The following ANKS6 variants were observed in gnomAD, a reference collection of about 807,000 sequenced individuals.
ANKS6 encodes ankyrin repeat and sterile alpha motif domain containing 6, also known as ankyrin repeat and SAM domain-containing protein 6.
Under a neutral mutation model 77.9 loss-of-function variants are expected in ANKS6, and 47 were observed. The ratio of observed to expected loss-of-function variants is 0.60; its 90% CI spans 0.48 to 0.77. The LOEUF is 0.77. Among genes scored for constraint, ANKS6 ranks in the 30% least tolerant of loss-of-function variants. ANKS6 has a pLI of 0.00. For missense variants in ANKS6, 1,150 were observed against 1,159.1 expected (o/e 0.99, Z 0.11); for synonymous variants, 488 against 501.7 (o/e 0.97, Z 0.37).
chr9:98,751,967 T>G (rs1254442489), intron 12 of ANKS6, among the ~76,000 whole-genome samples: 1 of 152,150 alleles, frequency 6.6e-6, no homozygotes, highest in Admixed American at 6.6e-5. Context: ...GTGCCTGTAG[T>G]CCCAGCAACT....
At chr9:98,792,332 C>T (rs554724941) in intron 1 of ANKS6, among the ~76,000 whole-genome samples, 4 of 152,176 alleles carry the variant, frequency 2.6e-5, no homozygotes, top group South Asian at 2.1e-4. Flanking sequence ...TCCACGGGCT[C>T]GCCTCTGGCT....
At chr9:98,782,659 C>T in intron 4 of ANKS6, 86 bp from the exon 5 acceptor site, 1 of 1,062,246 alleles carries the variant, frequency 9.4e-7, no homozygotes, top group Admixed American at 1.8e-5. Flanking sequence ...AACTACAAAG[C>T]TCAGTCTCTG....
chr9:98,788,030 G>A (rs923446413), intron 2 of ANKS6, among the ~76,000 whole-genome samples: 1 of 152,222 alleles, frequency 6.6e-6, no homozygotes, highest in Non-Finnish European at 1.5e-5. Flanking sequence ...GTGAACTGAG[G>A]CAGCTGGTTC....
In ANKS6 at chr9:98,734,022, A is replaced by G; in HGVS notation, c.*2497T>C. 1 of 985,266 alleles carries G rather than the reference A, an allele frequency of 1.0e-6. No individual in the cohort carries two copies. Among genetic ancestry groups the G allele is most frequent in the Non-Finnish European group, 1.2e-6 (1 of 829,916 alleles). The allele number at this position is 985,266 out of a possible 1,614,324, so 61.0% of individuals were successfully genotyped here. Reference sequence around the variant, plus strand: ...CCAAAAATCAGAAAAACAAGCACCCAACTGACCCCTCCTCCCTGACGATCT... The same window carrying G: ...CCAAAAATCAGAAAAACAAGCACCCGACTGACCCCTCCTCCCTGACGATCT... On this transcript the variant is annotated 3_prime_UTR_variant, in exon 15 of 15. Transcript: ENST00000353234.
chr9:98,750,559 C>T (rs1348081232), intron 13 of ANKS6, among the ~76,000 whole-genome samples: 3 of 152,122 alleles, frequency 2.0e-5, no homozygotes, highest in African/African-American at 2.4e-5. Flanking sequence ...CTGGGTCACA[C>T]GGTAACTCTA....
At chr9:98,745,102 G>A (rs1260845880) in intron 14 of ANKS6, among the ~76,000 whole-genome samples, 3 of 152,180 alleles carry the variant, frequency 2.0e-5, no homozygotes, top group East Asian at 1.9e-4. Flanking sequence ...GTGGGAAGCC[G>A]ACAATAGTGA....
chr9:98,756,456 T>C lies in ANKS6; in HGVS notation c.2290A>G (p.Ser764Gly). ...ATGGTGCCACTGCTGGAGCCCCCAC[T>C]GCTCTTGGACTGCCGATGGGATGAC... ...SSSSHRQSKS[S>G]GGSSSGTITD... The change falls in exon 12 of 15, where the codon AGT (serine) becomes GGT (glycine). Residue 764 changes from serine to glycine, a missense_variant. Transcript: ENST00000353234. 6.2e-7 allele frequency: 1 copy of C among 1,613,520 alleles called. No individual in the cohort carries two copies. Among genetic ancestry groups the C allele is most frequent in the Non-Finnish European group, 8.5e-7 (1 of 1,179,678 alleles).
intron 2 of ANKS6, among the ~76,000 whole-genome samples, chr9:98,786,742 T>A (rs1317981607): frequency 6.6e-6 from 1 of 152,240 alleles, no homozygotes; most frequent in Non-Finnish European, 1.5e-5. Flanking sequence ...CCAACTTTGC[T>A]GTGGGGTGGG....
intron 11 of ANKS6, among the ~76,000 whole-genome samples, chr9:98,766,086 C>T (rs1833266367): frequency 6.6e-6 from 1 of 152,020 alleles, no homozygotes; most frequent in African/African-American, 2.4e-5. Flanking sequence ...TGGGGTGGAG[C>T]CCAGAAACCT....
rs1368821740 is a variant in ANKS6 at position 98,732,704 on chromosome 9, C to A, written c.*3815G>T. ...CACATGATCCCTGGGGGCTACTATC[C>A]CCCTGTAACCAAAAGGGAAACTGGG... On this transcript the variant is annotated 3_prime_UTR_variant, in exon 15 of 15. Transcript: ENST00000353234. The A allele has an allele frequency of 6.9e-7, 1 of 1,449,058 alleles. No individual in the cohort carries two copies. The highest frequency in any genetic ancestry group is 9.0e-7 in the Non-Finnish European group (1 of 1,105,904). The allele number at this position is 1,449,058 out of a possible 1,614,324, so 89.8% of individuals were successfully genotyped here.
chr9:98,740,520 G>T (rs758743045), intron 14 of ANKS6, among the ~76,000 whole-genome samples: 1 of 152,196 alleles, frequency 6.6e-6, no homozygotes, highest in Non-Finnish European at 1.5e-5. Flanking sequence ...AATGAATGGG[G>T]TGGCACTGTG....
Position 98,734,300 on chromosome 9 carries a change from AAT to A in ANKS6, c.*2217_*2218del. The A allele has an allele frequency of 1.0e-6, 1 of 985,492 alleles. No homozygotes were observed. The highest frequency in any genetic ancestry group is 1.2e-6 in the Non-Finnish European group (1 of 829,982). 61.0% of individuals were successfully genotyped at this position (985,492 alleles called of 1,614,324 possible). A position where few individuals can be genotyped will look rare whatever the true frequency, so the allele number is the denominator to read the frequency against. On this transcript the variant is annotated 3_prime_UTR_variant, in exon 15 of 15. Coordinates refer to ENST00000353234, the MANE Select transcript of ANKS6 (RefSeq NM_173551.5). ...AGCCCCGCTCTGTCCAGGGTCATCCAATGAGTTCATGGAGGTCTACATTTGTG... is the reference window on the plus strand; with the variant it reads ...AGCCCCGCTCTGTCCAGGGTCATCCAGAGTTCATGGAGGTCTACATTTGTG...
In ANKS6 at chr9:98,754,284, G is replaced by A. The variant is rs141653130; in HGVS notation, c.2326+2136C>T. On this transcript the variant is annotated intron_variant, in intron 12 of 14. Transcript: ENST00000353234. ...AGGAGGAATGCAGATGGAGACATGAGGCAGGGAAAAGCTCACGTGTCCTTG... is the reference window on the plus strand; with the variant it reads ...AGGAGGAATGCAGATGGAGACATGAAGCAGGGAAAAGCTCACGTGTCCTTG... 2.2e-3 allele frequency among the ~76,000 whole-genome samples: 337 copies of A among 152,270 alleles called. 1 individual carries two copies. The highest frequency in any genetic ancestry group is 7.6e-3 in the African/African-American group (316 of 41,544).
At chr9:98,778,123 C>T in intron 7 of ANKS6, 103 bp downstream of exon 7, 1 of 1,357,328 alleles carries the variant, frequency 7.4e-7, no homozygotes, top group Non-Finnish European at 1.0e-6. Flanking sequence ...CCCATTCCAA[C>T]ATCATCTTAC....
At chr9:98,739,216 C>T (rs968137172) in intron 14 of ANKS6, among the ~76,000 whole-genome samples, 14 of 152,010 alleles carry the variant, frequency 9.2e-5, no homozygotes, top group Admixed American at 8.5e-4. Flanking sequence ...CAAACCACTG[C>T]GAAAGAACTT....
At chr9:98,760,824 C>T (rs1832967705) in intron 11 of ANKS6, among the ~76,000 whole-genome samples, 1 of 152,070 alleles carries the variant, frequency 6.6e-6, no homozygotes, top group African/African-American at 2.4e-5. Flanking sequence ...GGGATGTTTC[C>T]AGTTTGGGGT....
At chr9:98,769,571 G>T (rs578260512) in intron 10 of ANKS6, among the ~76,000 whole-genome samples, 2 of 152,284 alleles carry the variant, frequency 1.3e-5, no homozygotes, top group Non-Finnish European at 2.9e-5. Flanking sequence ...ACATAAAAAG[G>T]TGCTCACAAT....
rs1833274255 is a variant in ANKS6, at chr9:98,766,203, T to C, written c.2142+1878A>G. 2.0e-5 allele frequency among the ~76,000 whole-genome samples: 3 copies of C among 152,368 alleles called. 1 individual carries two copies. The South Asian group carries it at 6.2e-4, about 32-fold the overall frequency. On this transcript the variant is annotated intron_variant, in intron 11 of 14. Transcript: ENST00000353234. ...TTTCCCCAGTTTACTGCTTCCTGAA[T>C]GCATCTTTTGATACAATCTCCTTTC...
intron 11 of ANKS6, among the ~76,000 whole-genome samples, chr9:98,762,223 T>C (rs1454365028): frequency 6.6e-6 from 1 of 152,218 alleles, no homozygotes; most frequent in African/African-American, 2.4e-5. Context: ...TAATGCTAAA[T>C]GTTTATTACT....
Sources: gnomAD v4.1 joint callset for allele counts (sites outside exome capture counted in the v4.1 genomes callset) on GRCh38, gnomAD v4.1.1 for gene constraint, MANE v1.5 for transcripts, NCBI Gene and HGNC (gene_info 2026-07-23, HGNC 2026-07-21) for gene names.